Variants in TTC13 observed in about 807,000 individuals in gnomAD.
The protein encoded by TTC13 is tetratricopeptide repeat protein 13.
In TTC13, 62 loss-of-function variants were observed where a neutral mutation model predicts 120.0. The observed-to-expected ratio is 0.52, with a 90% CI of 0.42 to 0.64. The LOEUF is 0.64. Ranked by LOEUF, TTC13 falls within the 30% of genes least tolerant of loss-of-function variation. TTC13 has a pLI of 0.00. For missense variants in TTC13, 824 were observed against 1,050.2 expected, an observed-to-expected ratio of 0.78 and a Z score of 2.98; for synonymous variants, 384 against 393.5, an observed-to-expected ratio of 0.98 and a Z score of 0.28.
intron 4 of TTC13, among the ~76,000 whole-genome samples, chr1:230,953,380 G>C (rs111758973): frequency 1.1e-4 from 17 of 152,326 alleles, no homozygotes; most frequent in African/African-American, 4.1e-4. Flanking sequence ...CTGCCTGCTA[G>C]ACTGGAAGGC....
intron 1 of TTC13, among the ~76,000 whole-genome samples, chr1:230,975,649 A>G (rs1678222123): frequency 6.6e-6 from 1 of 152,212 alleles, no homozygotes; most frequent in Admixed American, 6.5e-5. Context: ...TTGTGGTTAT[A>G]TGCTTTTCAA....
intron 3 of TTC13, among the ~76,000 whole-genome samples, chr1:230,955,034 A>G (rs1675925051): frequency 6.6e-6 from 1 of 152,212 alleles, no homozygotes; most frequent in East Asian, 1.9e-4. Context: ...TTGTTTAGGA[A>G]AGTGGTATTT....
chr1:230,932,408 T>C (rs1673641096), intron 9 of TTC13, among the ~76,000 whole-genome samples: 1 of 152,010 alleles, frequency 6.6e-6, no homozygotes, highest in Non-Finnish European at 1.5e-5. Context: ...CATTCCAGGA[T>C]GGAAATGGTT....
intron 12 of TTC13, among the ~76,000 whole-genome samples, chr1:230,928,045 A>C (rs1023853638): frequency 6.6e-6 from 1 of 151,998 alleles, no homozygotes; most frequent in Non-Finnish European, 1.5e-5. Context: ...TATTATATTA[A>C]GTTTTGCTAC....
chr1:230,954,832 G>A (rs6541240), intron 3 of TTC13, among the ~76,000 whole-genome samples: 105,614 of 152,058 alleles, frequency 0.69, 37,356 homozygotes, highest in African/African-American at 0.83. Flanking sequence ...TCAATTCCTG[G>A]GAGTGCTGAA....
At chr1:230,914,490 G>A (rs1194545521) in intron 18 of TTC13, among the ~76,000 whole-genome samples, 1 of 152,068 alleles carries the variant, frequency 6.6e-6, no homozygotes, top group South Asian at 2.1e-4. Context: ...CCCGTCATGG[G>A]TTCAAGCGAT....
In TTC13 at chr1:230,940,537, C is replaced by T. The variant is rs1395753456; in HGVS notation, c.692G>A (p.Arg231Gln). ...QRAEILSPLG[R>Q]INEAVNDLTK... ...GAGGTCATTCACTGCTTCATTAATT[C>T]GTCCCAGAGGGGACAGAATCTAGAA... The change falls in exon 7 of 23, where the codon CGA becomes CAA. Residue 231 changes from arginine (R) to glutamine (Q), a missense_variant. By Grantham distance (43) the Arg-to-Gln change is conservative. Coordinates refer to ENST00000366661, the MANE Select transcript of TTC13 (RefSeq NM_024525.5). This position sits in a 1 kb window ranked among gnomAD's most constrained non-coding sequence, Gnocchi z 4.1. 4 of 1,612,238 alleles carry T rather than the reference C, an allele frequency of 2.5e-6. No individual in the cohort carries two copies. The highest frequency in any genetic ancestry group is 2.2e-5 in the South Asian group (2 of 90,996).
chr1:230,955,402 A>C (rs1418634872), intron 3 of TTC13, among the ~76,000 whole-genome samples: 1 of 151,806 alleles, frequency 6.6e-6, no homozygotes, highest in South Asian at 2.1e-4. Flanking sequence ...GGTGGCTTAC[A>C]CCTGTAATCC....
intron 3 of TTC13, 126 bp from the exon 4 acceptor site, chr1:230,954,529 A>C (rs1167617936): frequency 1.5e-6 from 1 of 650,858 alleles, no homozygotes; most frequent in Non-Finnish European, 2.6e-6. Context: ...AAGAAAACCT[A>C]GAAGTTAATA....
intron 1 of TTC13, among the ~76,000 whole-genome samples, chr1:230,971,958 C>A (rs539279277): frequency 2.0e-5 from 3 of 152,200 alleles, no homozygotes; most frequent in African/African-American, 7.2e-5. Flanking sequence ...CAGACAACAT[C>A]AACTCCACAG....
At chr1:230,913,423 G>A (rs1379114012) in intron 18 of TTC13, among the ~76,000 whole-genome samples, 1 of 152,174 alleles carries the variant, frequency 6.6e-6, no homozygotes, top group Non-Finnish European at 1.5e-5. Flanking sequence ...GCATTGGCAT[G>A]ATCATAGCTC....
chr1:230,940,591 C>T lies in TTC13; in HGVS notation c.673-35G>A. 1 of 1,345,858 alleles carries T rather than the reference C, an allele frequency of 7.4e-7. No homozygotes were observed. Among genetic ancestry groups the T allele is most frequent in the South Asian group, 1.2e-5 (1 of 84,952 alleles). The allele number at this position is 1,345,858 out of a possible 1,614,324, so 83.4% of individuals were successfully genotyped here. ...CCAAACATGTAATCAGGAAGAATACCAATGACCAACCCTAAAATCCCAATG... is the reference window on the plus strand; with the variant it reads ...CCAAACATGTAATCAGGAAGAATACTAATGACCAACCCTAAAATCCCAATG... On this transcript the variant is annotated intron_variant, in intron 6 of 22. Transcript: ENST00000366661. This position sits in a 1 kb window ranked among gnomAD's most constrained non-coding sequence, Gnocchi z 4.1.
At chr1:230,939,961 C>G (rs1674395833) in intron 7 of TTC13, among the ~76,000 whole-genome samples, 1 of 152,128 alleles carries the variant, frequency 6.6e-6, no homozygotes, top group Admixed American at 6.5e-5. Context: ...ATCATAAATG[C>G]CACTCTGATG....
At chr1:230,974,957 A>T (rs562786538) in intron 1 of TTC13, among the ~76,000 whole-genome samples, 1 of 152,350 alleles carries the variant, frequency 6.6e-6, no homozygotes, top group East Asian at 1.9e-4. Context: ...ATTAGTAAGA[A>T]ATTATACTAA....
At chr1:230,949,081 A>G (rs554198241) in intron 4 of TTC13, among the ~76,000 whole-genome samples, 9 of 152,156 alleles carry the variant, frequency 5.9e-5, no homozygotes, top group Non-Finnish European at 1.3e-4. Context: ...ACTGTTAGCT[A>G]TCTCAGGTTC....
intron 1 of TTC13, among the ~76,000 whole-genome samples, chr1:230,967,062 A>G (rs1390221278): frequency 6.6e-6 from 1 of 152,174 alleles, no homozygotes. Flanking sequence ...TGCCCACATT[A>G]CTGAACTCTT....
At chr1:230,933,640 G>T (rs1673770883) in intron 9 of TTC13, 139 bp downstream of exon 9, 1 of 474,090 alleles carries the variant, frequency 2.1e-6, no homozygotes, top group Non-Finnish European at 3.7e-6. Context: ...ATATCAACAA[G>T]TCTATACATA....
intron 12 of TTC13, 46 bp downstream of exon 12, chr1:230,928,891 A>C (rs1235303640): frequency 6.3e-7 from 1 of 1,599,988 alleles, no homozygotes; most frequent in East Asian, 2.2e-5. Context: ...CTTATAGCTC[A>C]GTTTTGAGAA....
At chr1:230,972,693 G>A (rs575377785) in intron 1 of TTC13, among the ~76,000 whole-genome samples, 1 of 152,280 alleles carries the variant, frequency 6.6e-6, no homozygotes, top group African/African-American at 2.4e-5. Context: ...CCTCCACCCA[G>A]AGATTAAAAA....
Sources: allele counts gnomAD v4.1 joint callset (sites outside exome capture counted in the v4.1 genomes callset), GRCh38; gene constraint gnomAD v4.1.1; non-coding constraint Gnocchi (gnomAD v3.1); transcripts MANE v1.5; gene names NCBI Gene and HGNC (gene_info 2026-07-23, HGNC 2026-07-21).